The following DYRK1A variants were observed in gnomAD, a reference collection of about 807,000 sequenced individuals.
DYRK1A encodes the protein dual specificity tyrosine phosphorylation regulated kinase 1A.
In DYRK1A, 9 loss-of-function variants were observed where a neutral mutation model predicts 79.7. That is an observed-to-expected ratio of 0.11 (90% CI 0.07 to 0.20). The LOEUF is 0.20. DYRK1A is among the 10% of genes least tolerant of loss of function. DYRK1A has a pLI of 1.00. For missense variants in DYRK1A, 622 were observed against 956.0 expected (o/e 0.65, Z 4.61); for synonymous variants, 349 against 329.7 (o/e 1.06, Z -0.63).
chr21:37,496,533 T>C (rs1451520015), intron 9 of DYRK1A, among the ~76,000 whole-genome samples: 2 of 152,214 alleles, frequency 1.3e-5, no homozygotes, highest in African/African-American at 4.8e-5. Context: ...TCACCATACT[T>C]GGTTTCAACA....
chr21:37,421,589 C>G (rs574576541), intron 2 of DYRK1A, among the ~76,000 whole-genome samples: 2 of 152,188 alleles, frequency 1.3e-5, no homozygotes, highest in East Asian at 3.9e-4. Context: ...TTTGCCTGTA[C>G]ATATTAGAAG....
chr21:37,470,355 A>G (rs1475967596), intron 2 of DYRK1A, among the ~76,000 whole-genome samples: 1 of 152,188 alleles, frequency 6.6e-6, no homozygotes, highest in Non-Finnish European at 1.5e-5. Flanking sequence ...CTTTTCTACA[A>G]TATTGCATTG....
chr21:37,448,138 G>A (rs1017383551), intron 2 of DYRK1A, among the ~76,000 whole-genome samples: 1 of 152,086 alleles, frequency 6.6e-6, no homozygotes. Context: ...ATGTAGTCGG[G>A]ATTGTTCAGT....
intron 2 of DYRK1A, among the ~76,000 whole-genome samples, chr21:37,462,459 T>C (rs1020625234): frequency 3.3e-5 from 5 of 152,206 alleles, no homozygotes; most frequent in Admixed American, 3.3e-4. Context: ...GTCTGTGGGT[T>C]TCTCCACTGT....
intron 11 of DYRK1A, among the ~76,000 whole-genome samples, chr21:37,510,028 A>C (rs1208711048): frequency 6.6e-6 from 1 of 152,224 alleles, no homozygotes. Flanking sequence ...AGATTATCAG[A>C]TCAAAAAACA....
chr21:37,508,879 GCT>G (rs566232555), intron 11 of DYRK1A, among the ~76,000 whole-genome samples: 7 of 152,152 alleles, frequency 4.6e-5, no homozygotes, highest in African/African-American at 1.7e-4. Context: ...ACTCCCAGGG[GCT>G]CTCTCTAAAT....
chr21:37,439,672 A>G (rs1212385764), intron 2 of DYRK1A, among the ~76,000 whole-genome samples: 1 of 152,190 alleles, frequency 6.6e-6, no homozygotes, highest in Admixed American at 6.5e-5. Flanking sequence ...TTCTGAAACC[A>G]TATCTCCCCC....
chr21:37,461,135 G>A (rs905483388), intron 2 of DYRK1A, among the ~76,000 whole-genome samples: 3 of 152,082 alleles, frequency 2.0e-5, no homozygotes, highest in Non-Finnish European at 2.9e-5. Context: ...AAAATGATAC[G>A]TGCTTGTTAA....
chr21:37,411,852 C>T (rs1743195385), intron 1 of DYRK1A, among the ~76,000 whole-genome samples: 1 of 152,146 alleles, frequency 6.6e-6, no homozygotes, highest in Non-Finnish European at 1.5e-5. Flanking sequence ...CTGCACATAA[C>T]TACTATTCTC....
At chr21:37,411,049 TAA>T (rs35292922) in intron 1 of DYRK1A, among the ~76,000 whole-genome samples, 11,118 of 56,220 alleles carry the variant, frequency 0.2, 990 homozygotes, top group African/African-American at 0.24. Context: ...ATTCTGTCTT[TAA>T]AAAAAAAAAA....
intron 2 of DYRK1A, among the ~76,000 whole-genome samples, chr21:37,441,279 G>A (rs1462119695): frequency 6.6e-5 from 10 of 152,018 alleles, no homozygotes; most frequent in Admixed American, 6.5e-4. Flanking sequence ...CTTTGTATTA[G>A]AAATTTATTT....
rs531824178 is a variant in DYRK1A at position 37,419,006 on chromosome 21, C to T, written c.-76-1293C>T. ...GGAGCTTTTAAAGAACCTGGGAGTT[C>T]AAAAGTATAAGGAGAAATAAATGAA... is the stretch of plus-strand genomic sequence containing the variant. On this transcript the variant is annotated intron_variant, in intron 1 of 11. Transcript: ENST00000647188. 7 of 151,980 alleles carry T rather than the reference C, an allele frequency of 4.6e-5. No individual in the cohort carries two copies. The South Asian group carries it at 1.5e-3, about 32-fold the overall frequency. 9.4% of individuals were successfully genotyped at this position (151,980 alleles called of 1,614,324 possible). A position where few individuals can be genotyped will look rare whatever the true frequency, so the allele number is the denominator to read the frequency against.
At chr21:37,416,736 A>G (rs2050349827) in intron 1 of DYRK1A, among the ~76,000 whole-genome samples, 1 of 151,942 alleles carries the variant, frequency 6.6e-6, no homozygotes, top group Non-Finnish European at 1.5e-5. Context: ...TCTGTTTTGT[A>G]GCTTTTCTGT....
At chr21:37,458,170 C>G (rs1034020757) in intron 2 of DYRK1A, among the ~76,000 whole-genome samples, 3 of 151,558 alleles carry the variant, frequency 2.0e-5, no homozygotes, top group African/African-American at 7.3e-5. Flanking sequence ...TCTTTTTGTA[C>G]TTACGGGTTT....
chr21:37,450,333 C>G (rs181358329), intron 2 of DYRK1A, among the ~76,000 whole-genome samples: 2 of 151,968 alleles, frequency 1.3e-5, no homozygotes, highest in Non-Finnish European at 2.9e-5. Flanking sequence ...ATGACAAATA[C>G]CTATGTGGGA....
intron 4 of DYRK1A, 94 bp from the exon 5 acceptor site, chr21:37,480,544 C>T (rs1226772862): frequency 4.2e-6 from 4 of 949,250 alleles, no homozygotes; most frequent in Admixed American, 5.8e-5. Context: ...CAAATGTCAA[C>T]TGTAGAAAAT....
chr21:37,506,463 T>C (rs945566937), intron 11 of DYRK1A: 8 of 1,256,442 alleles, frequency 6.4e-6, no homozygotes, highest in Middle Eastern at 2.8e-4. Context: ...ACAGTTTTTT[T>C]CCTGTGTTTA....
chr21:37,408,337 T>G (rs2050185332), intron 1 of DYRK1A, among the ~76,000 whole-genome samples: 1 of 152,214 alleles, frequency 6.6e-6, no homozygotes, highest in African/African-American at 2.4e-5. Flanking sequence ...GGCAAGAAAC[T>G]GAAAACATAT....
chr21:37,446,581 C>CTTT (rs57380457), intron 2 of DYRK1A, among the ~76,000 whole-genome samples: 7 of 144,740 alleles, frequency 4.8e-5, no homozygotes, highest in African/African-American at 1.5e-4. Context: ...GTTTGAAATT[C>CTTT]TTTTTTTTTT....
Sources: allele counts gnomAD v4.1 joint callset (sites outside exome capture counted in the v4.1 genomes callset), GRCh38; gene constraint gnomAD v4.1.1; transcripts MANE v1.5; gene names NCBI Gene and HGNC (gene_info 2026-07-23, HGNC 2026-07-21).